KIF18A: variants seen among roughly 807,000 people sequenced by gnomAD.
KIF18A encodes kinesin-like protein KIF18A.
In KIF18A, 67 loss-of-function variants were observed where a neutral mutation model predicts 103.3. The ratio of observed to expected loss-of-function variants is 0.65; its 90% CI spans 0.53 to 0.79. KIF18A has a LOEUF of 0.79. Ranked by LOEUF, KIF18A falls within the 30% of genes least tolerant of loss-of-function variation. The probability of loss-of-function intolerance (pLI) is 0.00; values close to 1 mark genes in which losing one functional copy is unlikely to be tolerated. For synonymous variants in KIF18A, 367 were observed against 355.5 expected (o/e 1.03, Z -0.36); for missense variants, 1,032 against 1,062.5 (o/e 0.97, Z 0.40).
intron 13 of KIF18A, among the ~76,000 whole-genome samples, chr11:28,038,606 C>G (rs943930184): frequency 6.6e-6 from 1 of 151,612 alleles, no homozygotes. Context: ...AAACTTTCAA[C>G]CAAGTTAGAA....
intron 10 of KIF18A, 40 bp downstream of exon 10, chr11:28,076,967 T>C: frequency 8.6e-7 from 1 of 1,164,798 alleles, no homozygotes. Flanking sequence ...CCCCCATGTT[T>C]TTATACTTTC....
chr11:28,026,649 C>T (rs948445822), intron 15 of KIF18A, among the ~76,000 whole-genome samples: 2 of 151,664 alleles, frequency 1.3e-5, no homozygotes, highest in Non-Finnish European at 3.0e-5. Flanking sequence ...CATACCTGGA[C>T]ATTTCCTGAA....
rs117702278 is a variant in KIF18A at position 28,082,642 on chromosome 11, T to C, written c.1262+214A>G. Among the ~76,000 whole-genome samples the C allele has an allele frequency of 7.6e-3, 1,151 of 152,242 alleles. 6 individuals carry two copies. Among genetic ancestry groups the C allele is most frequent in the Non-Finnish European group, 0.013 (901 of 67,972 alleles). On this transcript the variant is annotated intron_variant, in intron 9 of 16. Transcript: ENST00000263181. The stretch of plus-strand genomic sequence containing the variant: ...TTGTGTGACTCATTTTATTATGATA[T>C]TTCATTTATTGCAGTGGTCTGGAGA...
Position 28,036,436 on chromosome 11 carries a change from G to A in KIF18A, c.2177C>T (p.Ser726Leu). The A allele has an allele frequency of 1.2e-6, 2 of 1,610,586 alleles. No individual in the cohort carries two copies. Among genetic ancestry groups the A allele is most frequent in the Non-Finnish European group, 1.7e-6 (2 of 1,177,716 alleles). Residue 726 changes from serine to leucine, a missense_variant, in exon 14 of 17, where the codon TCA (serine) becomes TTA (leucine). By Grantham distance (145) the Ser-to-Leu change is moderately radical. Transcript: ENST00000263181. ...NPSTVTLMKPSSFTTSFQAIS... is the reference protein window; with the variant it reads ...NPSTVTLMKPLSFTTSFQAIS... Reference sequence around the variant, plus strand: ...AGCCTGAAAACTTGTAGTAAATGATGATGGTTTCATTAAGGTTACTGTAGA... The same window carrying A: ...AGCCTGAAAACTTGTAGTAAATGATAATGGTTTCATTAAGGTTACTGTAGA...
intron 13 of KIF18A, among the ~76,000 whole-genome samples, chr11:28,053,775 T>C (rs1002686298): frequency 6.6e-6 from 1 of 151,842 alleles, no homozygotes; most frequent in Non-Finnish European, 1.5e-5. Flanking sequence ...AGCAGATGGG[T>C]TTTCAAGACT....
intron 1 of KIF18A, among the ~76,000 whole-genome samples, chr11:28,101,580 A>G (rs750167245): frequency 6.6e-6 from 1 of 152,200 alleles, no homozygotes; most frequent in Non-Finnish European, 1.5e-5. Context: ...CTGTAAAGTA[A>G]GACTAACAAC....
At chr11:28,046,277 C>G (rs2133508120) in intron 13 of KIF18A, among the ~76,000 whole-genome samples, 1 of 149,618 alleles carries the variant, frequency 6.7e-6, no homozygotes, top group South Asian at 2.1e-4. Flanking sequence ...TTCACAATAG[C>G]AAAGACTTGG....
chr11:28,077,241 A>C, intron 9 of KIF18A, 72 bp from the exon 10 acceptor site: 2 of 1,069,412 alleles, frequency 1.9e-6, no homozygotes, highest in Non-Finnish European at 2.7e-6. Context: ...ACTTAAGAGA[A>C]ATGCATAAAC....
At chr11:28,093,355 A>T (rs1325033421) in intron 3 of KIF18A, among the ~76,000 whole-genome samples, 2 of 152,206 alleles carry the variant, frequency 1.3e-5, no homozygotes, top group East Asian at 3.8e-4. Flanking sequence ...ATATGATTTT[A>T]ATCAATCTTT....
At chr11:28,084,847 A>G in intron 6 of KIF18A, 39 bp from the exon 7 acceptor site, 1 of 1,524,410 alleles carries the variant, frequency 6.6e-7, no homozygotes, top group Non-Finnish European at 9.0e-7. Context: ...CATTTTCCAC[A>G]TTTAAATGCA....
chr11:28,099,741 G>GT (rs1283082875), intron 1 of KIF18A, among the ~76,000 whole-genome samples: 1 of 152,152 alleles, frequency 6.6e-6, no homozygotes, highest in Non-Finnish European at 1.5e-5. Context: ...GCTACTTTAT[G>GT]TTGGCCAGAA....
chr11:28,027,797 C>A (rs1850340592), intron 15 of KIF18A, among the ~76,000 whole-genome samples: 1 of 151,914 alleles, frequency 6.6e-6, no homozygotes, highest in Non-Finnish European at 1.5e-5. Flanking sequence ...CAATCTTACT[C>A]AAACTATTCT....
rs772072926 is a variant in KIF18A at position 28,059,174 on chromosome 11, G to A, written c.1713-13C>T. 7.7e-6 allele frequency: 12 copies of A among 1,548,626 alleles called. No homozygotes were observed. The East Asian group carries it at 9.0e-5, about 12-fold the overall frequency. ...AGCATTCAATACTCTATATACAGAA[G>A]ATGAGAAGAAAGGAGAGATAAATAT... On this transcript the variant is annotated splice_polypyrimidine_tract_variant and intron_variant, in intron 12 of 16. Transcript: ENST00000263181.
intron 5 of KIF18A, among the ~76,000 whole-genome samples, chr11:28,089,463 T>C (rs938778648): frequency 6.6e-6 from 1 of 152,208 alleles, no homozygotes; most frequent in Admixed American, 6.5e-5. Context: ...CCAAGTCTCA[T>C]GTACTGTACA....
intron 5 of KIF18A, among the ~76,000 whole-genome samples, chr11:28,089,846 A>G (rs186089924): frequency 2.0e-5 from 3 of 152,338 alleles, no homozygotes; most frequent in East Asian, 3.9e-4. Context: ...CATTTATTAA[A>G]TTGTTTTATA....
intron 9 of KIF18A, among the ~76,000 whole-genome samples, chr11:28,080,464 T>C (rs530588125): frequency 6.6e-6 from 1 of 152,218 alleles, no homozygotes; most frequent in Admixed American, 6.5e-5. Context: ...TTGGCAATTC[T>C]TGAAATATTG....
intron 1 of KIF18A, among the ~76,000 whole-genome samples, chr11:28,105,217 G>A: frequency 6.6e-6 from 1 of 151,946 alleles, no homozygotes; most frequent in Non-Finnish European, 1.5e-5. Context: ...TTTTATTAAG[G>A]CAGAAAGTGT....
chr11:28,063,201 C>T (rs923263125), intron 11 of KIF18A, among the ~76,000 whole-genome samples: 5 of 151,946 alleles, frequency 3.3e-5, no homozygotes, highest in African/African-American at 9.7e-5. Flanking sequence ...CAAATGCTAC[C>T]TTAAGTTGAA....
At chr11:28,092,881 T>G (rs1049841132) in intron 3 of KIF18A, among the ~76,000 whole-genome samples, 1 of 152,198 alleles carries the variant, frequency 6.6e-6, no homozygotes, top group Non-Finnish European at 1.5e-5. Flanking sequence ...ACTTTACTAT[T>G]GCTTCCCCTT....
Sources: allele counts gnomAD v4.1 joint callset (sites outside exome capture counted in the v4.1 genomes callset), GRCh38; gene constraint gnomAD v4.1.1; transcripts MANE v1.5; gene names NCBI Gene and HGNC (gene_info 2026-07-23, HGNC 2026-07-21).